Variants in FMN2 observed in about 807,000 individuals in gnomAD.
FMN2 encodes formin-2.
A neutral mutation model predicts 142.3 loss-of-function variants in FMN2; 51 were observed. That is an observed-to-expected ratio of 0.36 (90% CI 0.29 to 0.45). FMN2 has a LOEUF of 0.45. Ranked by LOEUF, FMN2 falls within the 20% of genes least tolerant of loss-of-function variation. The probability of loss-of-function intolerance (pLI) is 1.00; values close to 1 mark genes in which losing one functional copy is unlikely to be tolerated. For synonymous variants in FMN2, 882 were observed against 869.8 expected, an observed-to-expected ratio of 1.01 and a Z score of -0.25; for missense variants, 1,936 against 2,122.8, an observed-to-expected ratio of 0.91 and a Z score of 1.73.
intron 14 of FMN2, among the ~76,000 whole-genome samples, chr1:240,356,248 T>C (rs1452024449): frequency 6.6e-6 from 1 of 152,154 alleles, no homozygotes; most frequent in African/African-American, 2.4e-5. Flanking sequence ...TTAGATAGTA[T>C]TATTTTACAT....
intron 2 of FMN2, among the ~76,000 whole-genome samples, chr1:240,160,716 A>C (rs779452420): frequency 5.9e-5 from 9 of 151,978 alleles, no homozygotes; most frequent in Admixed American, 6.6e-5. Context: ...AAACAATGCC[A>C]CTATTACCAC....
chr1:240,448,929 G>T (rs1558113242), intron 16 of FMN2, among the ~76,000 whole-genome samples: 1 of 152,098 alleles, frequency 6.6e-6, no homozygotes, highest in African/African-American at 2.4e-5. Flanking sequence ...GATGGCTGGA[G>T]CCTAGGAGTT....
intron 7 of FMN2, among the ~76,000 whole-genome samples, chr1:240,267,778 T>C (rs1015447537): frequency 3.3e-5 from 5 of 152,056 alleles, no homozygotes; most frequent in South Asian, 2.1e-4. Flanking sequence ...CAAACACTTA[T>C]AATATTAAAC....
chr1:240,316,022 G>A (rs4375256), intron 8 of FMN2, among the ~76,000 whole-genome samples: 31,416 of 152,052 alleles, frequency 0.21, 3,517 homozygotes, highest in Admixed American at 0.33. Context: ...ACCAAACCAC[G>A]AGATCTTTTT....
intron 7 of FMN2, among the ~76,000 whole-genome samples, chr1:240,260,489 A>G (rs1029850765): frequency 6.6e-6 from 1 of 151,696 alleles, no homozygotes; most frequent in Admixed American, 6.6e-5. Flanking sequence ...TTTGATTTGC[A>G]TTTCCCTGAT....
intron 15 of FMN2, among the ~76,000 whole-genome samples, chr1:240,425,788 C>A (rs1001596754): frequency 2.6e-5 from 4 of 152,140 alleles, no homozygotes; most frequent in African/African-American, 9.7e-5. Context: ...TGTTCTGTAC[C>A]TTGACTCTTT....
At chr1:240,394,723 T>C (rs1673714149) in intron 15 of FMN2, among the ~76,000 whole-genome samples, 2 of 152,124 alleles carry the variant, frequency 1.3e-5, no homozygotes, top group African/African-American at 4.8e-5. Context: ...ATCCTAGCAC[T>C]TTCGGAGCCC....
At chr1:240,266,406 G>A (rs951573491) in intron 7 of FMN2, among the ~76,000 whole-genome samples, 8 of 151,918 alleles carry the variant, frequency 5.3e-5, no homozygotes, top group Non-Finnish European at 8.8e-5. Context: ...GACGGTAGAT[G>A]TGTGGCTTTA....
At chr1:240,128,503 G>A (rs1662602151) in intron 2 of FMN2, among the ~76,000 whole-genome samples, 1 of 152,086 alleles carries the variant, frequency 6.6e-6, no homozygotes, top group Admixed American at 6.6e-5. Context: ...TGTCTGCCTA[G>A]CAGGATATTT....
intron 5 of FMN2, among the ~76,000 whole-genome samples, chr1:240,208,963 GT>G (rs1666567619): frequency 6.6e-6 from 1 of 152,140 alleles, no homozygotes; most frequent in South Asian, 2.1e-4. Flanking sequence ...TGTATAAGAT[GT>G]AGGTATACCC....
At chr1:240,419,056 C>T (rs1240458002) in intron 15 of FMN2, among the ~76,000 whole-genome samples, 1 of 152,008 alleles carries the variant, frequency 6.6e-6, no homozygotes, top group Non-Finnish European at 1.5e-5. Context: ...TGCAGTGAGC[C>T]GAGATCGTGC....
At chr1:240,466,454 T>A (rs1009762854) in intron 16 of FMN2, among the ~76,000 whole-genome samples, 1 of 152,190 alleles carries the variant, frequency 6.6e-6, no homozygotes, top group African/African-American at 2.4e-5. Context: ...AAAGGTAAAT[T>A]TGAACTTAAG....
intron 4 of FMN2, among the ~76,000 whole-genome samples, chr1:240,188,753 C>CT (rs1022870285): frequency 3.7e-4 from 57 of 152,232 alleles, no homozygotes; most frequent in African/African-American, 1.1e-3. Context: ...TTTCACACTG[C>CT]TGATAAGGGT....
rs1236566022 is a variant in FMN2, at chr1:240,206,785, T to C, written c.1987-14T>C. The C allele has an allele frequency of 5.6e-6, 9 of 1,600,512 alleles. 1 individual carries two copies. In the South Asian group the frequency reaches 7.7e-5, roughly 14 times the overall value. On this transcript the variant is annotated splice_polypyrimidine_tract_variant and intron_variant, in intron 4 of 17. Coordinates refer to ENST00000319653, the MANE Select transcript of FMN2 (RefSeq NM_020066.5). ...ATTTCATAACTAACTGTGTCTGTCC[T>C]TGTCGCCCTTCAGGAAGTTGTTGAC...
intron 15 of FMN2, among the ~76,000 whole-genome samples, chr1:240,397,205 A>G (rs1366924521): frequency 6.6e-6 from 1 of 152,194 alleles, no homozygotes. Flanking sequence ...TCTGATGATT[A>G]GCGATGTTGA....
chr1:240,147,975 G>C (rs141750778), intron 2 of FMN2, among the ~76,000 whole-genome samples: 3 of 152,176 alleles, frequency 2.0e-5, no homozygotes, highest in African/African-American at 7.2e-5. Flanking sequence ...TTGCTACTTC[G>C]CCATGGAAGC....
intron 8 of FMN2, among the ~76,000 whole-genome samples, chr1:240,310,376 A>G (rs149080396): frequency 1.6e-3 from 245 of 152,300 alleles, no homozygotes; most frequent in African/African-American, 5.6e-3. Context: ...TTAGAATGTA[A>G]TCTTTTTTTC....
intron 4 of FMN2, among the ~76,000 whole-genome samples, chr1:240,206,211 G>A (rs139265504): frequency 8.7e-4 from 132 of 152,214 alleles, no homozygotes; most frequent in South Asian, 3.3e-3. Flanking sequence ...GCCATCAGCC[G>A]TCTTTATAAA....
At chr1:240,257,053 C>G (rs1668471884) in intron 6 of FMN2, among the ~76,000 whole-genome samples, 1 of 152,158 alleles carries the variant, frequency 6.6e-6, no homozygotes, top group Non-Finnish European at 1.5e-5. Flanking sequence ...TTTCCTTTTC[C>G]TCCAGTGTTT....
Sources: gnomAD v4.1 joint callset for allele counts (sites outside exome capture counted in the v4.1 genomes callset) on GRCh38, gnomAD v4.1.1 for gene constraint, MANE v1.5 for transcripts, NCBI Gene and HGNC (gene_info 2026-07-23, HGNC 2026-07-21) for gene names.